SIPA1L1: variants seen among roughly 807,000 people sequenced by gnomAD.
The protein encoded by SIPA1L1 is signal induced proliferation associated 1 like 1.
SIPA1L1 carries 26 observed loss-of-function variants against 162.7 expected under a neutral mutation model. The ratio of observed to expected loss-of-function variants is 0.16; its 90% CI spans 0.12 to 0.22. The LOEUF (loss-of-function observed/expected upper bound fraction) is 0.22, where lower values mean the gene tolerates loss of function less well. Among genes scored for constraint, SIPA1L1 ranks in the 10% least tolerant of loss-of-function variants. The pLI, the probability that SIPA1L1 is intolerant of heterozygous loss-of-function variation, is 1.00. For missense variants in SIPA1L1, 1,874 were observed against 2,241.0 expected, an observed-to-expected ratio of 0.84 and a Z score of 3.31; for synonymous variants, 829 against 837.4, an observed-to-expected ratio of 0.99 and a Z score of 0.17.
chr14:71,342,783 A>G (rs1322467180), intron 2 of SIPA1L1, among the ~76,000 whole-genome samples: 1 of 152,216 alleles, frequency 6.6e-6, no homozygotes, highest in African/African-American at 2.4e-5. Context: ...TTTCATGTTT[A>G]TAAATCCTCA....
intron 2 of SIPA1L1, among the ~76,000 whole-genome samples, chr14:71,355,778 A>C (rs1594972428): frequency 6.6e-6 from 1 of 152,198 alleles, no homozygotes; most frequent in East Asian, 1.9e-4. Context: ...GAAACAAAGA[A>C]TTCTTGGCTT....
chr14:71,330,644 CATT>C (rs1335277502), intron 2 of SIPA1L1: 38 of 893,482 alleles, frequency 4.3e-5, no homozygotes, highest in South Asian at 1.0e-4. Flanking sequence ...TGGGTCAACT[CATT>C]GTTGTAGTCT....
intron 7 of SIPA1L1, among the ~76,000 whole-genome samples, chr14:71,639,110 G>A (rs750660683): frequency 2.3e-4 from 35 of 152,106 alleles, no homozygotes; most frequent in Admixed American, 3.9e-4. Context: ...CCTGATGAAC[G>A]AATCAAAACC....
intron 2 of SIPA1L1, among the ~76,000 whole-genome samples, chr14:71,386,906 A>G (rs2040365790): frequency 6.6e-6 from 1 of 152,124 alleles, no homozygotes; most frequent in Admixed American, 6.6e-5. Flanking sequence ...TTGTGTGAAA[A>G]ATCTTCCCTA....
At chr14:71,337,576 C>T (rs1371236401) in intron 2 of SIPA1L1, among the ~76,000 whole-genome samples, 1 of 152,180 alleles carries the variant, frequency 6.6e-6, no homozygotes, top group Non-Finnish European at 1.5e-5. Context: ...GACTTATTCA[C>T]TATCACAAGA....
At chr14:71,617,259 G>A (rs997702245) in intron 5 of SIPA1L1, among the ~76,000 whole-genome samples, 4 of 152,092 alleles carry the variant, frequency 2.6e-5, no homozygotes, top group Non-Finnish European at 1.5e-5. Context: ...CTACACCCTG[G>A]ACTTTGTCAA....
intron 2 of SIPA1L1, among the ~76,000 whole-genome samples, chr14:71,495,886 C>CAAAAAAAAAAAAAAAAA (rs61183823): frequency 2.6e-4 from 10 of 38,018 alleles, no homozygotes; most frequent in Admixed American, 7.4e-4. Flanking sequence ...TCCATCTCTA[C>CAAAAAAAAAAAAAAAAA]AAAAAAAAAA....
intron 5 of SIPA1L1, among the ~76,000 whole-genome samples, chr14:71,613,058 C>T (rs2038407363): frequency 6.6e-6 from 1 of 152,252 alleles, no homozygotes; most frequent in South Asian, 2.1e-4. Flanking sequence ...ATGTTAATCT[C>T]TCCCCCTTTC....
At chr14:71,437,875 A>G (rs570371349) in intron 2 of SIPA1L1, among the ~76,000 whole-genome samples, 27 of 152,224 alleles carry the variant, frequency 1.8e-4, no homozygotes, top group Non-Finnish European at 2.9e-4. Context: ...GGGATCCTCA[A>G]TAGGAAGTAA....
chr14:71,512,044 G>A lies in SIPA1L1; in HGVS notation c.-464-699G>A, dbSNP rs528105783. Among the ~76,000 whole-genome samples the A allele has an allele frequency of 2.2e-3, 339 of 152,236 alleles. 5 individuals are homozygous for A. Among genetic ancestry groups the A allele is most frequent in the Non-Finnish European group, 3.6e-3 (247 of 68,014 alleles). ...TCTGGAGTTTTGTGAGTCCTTCTAG[G>A]AAATTCTCAAACTCAAGGAGGGGGT... On this transcript the variant is annotated intron_variant, in intron 2 of 23. Transcript: ENST00000381232.
intron 4 of SIPA1L1, among the ~76,000 whole-genome samples, chr14:71,538,867 AAGTAGTT>A (rs2054130325): frequency 6.6e-6 from 1 of 152,214 alleles, no homozygotes; most frequent in Admixed American, 6.5e-5. Context: ...CTGATTTCTT[AAGTAGTT>A]ACAGTCTGTT....
intron 3 of SIPA1L1, among the ~76,000 whole-genome samples, chr14:71,520,878 G>T (rs1387556318): frequency 6.6e-6 from 1 of 151,934 alleles, no homozygotes; most frequent in Non-Finnish European, 1.5e-5. Flanking sequence ...TCAGCCCCCC[G>T]AGTAGCTGAG....
At chr14:71,617,572 T>C (rs1169301835) in intron 5 of SIPA1L1, among the ~76,000 whole-genome samples, 2 of 152,268 alleles carry the variant, frequency 1.3e-5, no homozygotes, top group African/African-American at 4.8e-5. Flanking sequence ...GTAATTGTGC[T>C]TTAGTACCTG....
chr14:71,542,580 C>T (rs961360159), intron 4 of SIPA1L1, among the ~76,000 whole-genome samples: 1 of 138,642 alleles, frequency 7.2e-6, no homozygotes, highest in South Asian at 2.5e-4. Flanking sequence ...TCTTCCTCCT[C>T]CTTCTTCTTC....
chr14:71,361,222 G>A (rs2037782351), intron 2 of SIPA1L1, among the ~76,000 whole-genome samples: 1 of 152,116 alleles, frequency 6.6e-6, no homozygotes, highest in Non-Finnish European at 1.5e-5. Context: ...CCAAAATGTA[G>A]TTTTCACAGT....
intron 3 of SIPA1L1, among the ~76,000 whole-genome samples, chr14:71,526,810 C>T (rs558184590): frequency 1.3e-5 from 2 of 152,256 alleles, no homozygotes; most frequent in South Asian, 4.2e-4. Context: ...TCGGCTATTA[C>T]AGCTAACACT....
At chr14:71,716,324 C>T (rs2083270190) in intron 17 of SIPA1L1, among the ~76,000 whole-genome samples, 1 of 152,150 alleles carries the variant, frequency 6.6e-6, no homozygotes, top group Non-Finnish European at 1.5e-5. Flanking sequence ...ACAGGAAACC[C>T]GATCAGCTCT....
At chr14:71,414,710 A>C (rs1304769039) in intron 2 of SIPA1L1, among the ~76,000 whole-genome samples, 2 of 152,180 alleles carry the variant, frequency 1.3e-5, no homozygotes, top group Admixed American at 1.3e-4. Flanking sequence ...CCCATGTTCT[A>C]AGAATCTTGT....
chr14:71,390,435 A>G (rs1231465351), intron 2 of SIPA1L1, among the ~76,000 whole-genome samples: 1 of 152,160 alleles, frequency 6.6e-6, no homozygotes, highest in East Asian at 1.9e-4. Flanking sequence ...GTACATAGCT[A>G]TTCTTCAAAA....
Sources: gnomAD v4.1 joint callset for allele counts (sites outside exome capture counted in the v4.1 genomes callset) on GRCh38, gnomAD v4.1.1 for gene constraint, MANE v1.5 for transcripts, NCBI Gene and HGNC (gene_info 2026-07-23, HGNC 2026-07-21) for gene names.